Variants in EEF1A2 observed in about 807,000 individuals in gnomAD.
The protein encoded by EEF1A2 is eukaryotic translation elongation factor 1 alpha 2.
EEF1A2 carries 5 observed loss-of-function variants against 39.3 expected under a neutral mutation model. That is an observed-to-expected ratio of 0.13 (90% CI 0.07 to 0.27). The LOEUF is 0.27. Ranked by LOEUF, EEF1A2 falls within the 10% of genes least tolerant of loss-of-function variation. The probability of loss-of-function intolerance (pLI) is 1.00; values close to 1 mark genes in which losing one functional copy is unlikely to be tolerated. For missense variants in EEF1A2, 218 were observed against 681.4 expected, an observed-to-expected ratio of 0.32 and a Z score of 7.57; for synonymous variants, 287 against 293.7, an observed-to-expected ratio of 0.98 and a Z score of 0.23.
chr20:63,492,445 A>AATGGATGG (rs200488738), intron 5 of EEF1A2, among the ~76,000 whole-genome samples: 1 of 88,340 alleles, frequency 1.1e-5, no homozygotes, highest in East Asian at 3.9e-4. Flanking sequence ...TGGTTGAGAC[A>AATGGATGG]ATGGATGGAT....
chr20:63,492,164 GTATGGGTGGGTAGGTGGGTGGATA>G (rs2082386489), intron 5 of EEF1A2, among the ~76,000 whole-genome samples: 1 of 316 alleles, frequency 3.2e-3, no homozygotes, highest in Admixed American at 0.026. Context: ...ATGGATGGAT[GTATGGGTGGGTAGGTGGGTGGATA>G]GATGGATGGA....
At chr20:63,488,471 C>CG (rs2082363069) in intron 7 of EEF1A2, 46 bp from the exon 8 acceptor site, 2 of 1,328,504 alleles carry the variant, frequency 1.5e-6, no homozygotes, top group African/African-American at 4.7e-5. Context: ...AGGACTTGAC[C>CG]CCCCCCAACC....
Position 63,494,949 on chromosome 20 carries a change from C to T in EEF1A2, c.477G>A (p.Glu159=), listed in dbSNP as rs768282017. 79 of 1,612,694 alleles carry T rather than the reference C, an allele frequency of 4.9e-5. No individual in the cohort carries two copies. Among genetic ancestry groups the T allele is most frequent in the Admixed American group, 2.2e-4 (13 of 60,002 alleles). ...IVGVNKMDST[E]PAYSEKRYDE... ...CGTAGCGCTTCTCGCTGTAGGCCGGCTCTGTGGAGTCCATTTTGTTCACGC... is the reference window on the plus strand; with the variant it reads ...CGTAGCGCTTCTCGCTGTAGGCCGGTTCTGTGGAGTCCATTTTGTTCACGC... Residue 159 remains glutamate (E), a synonymous_variant, in exon 4 of 8, where the codon GAG becomes GAA. Coordinates refer to ENST00000217182, the MANE Select transcript of EEF1A2 (RefSeq NM_001958.5).
chr20:63,492,445 A>AATGGATGGATGG (rs200488738), intron 5 of EEF1A2, among the ~76,000 whole-genome samples: 1 of 88,218 alleles, frequency 1.1e-5, no homozygotes, highest in Non-Finnish European at 2.4e-5. Flanking sequence ...TGGTTGAGAC[A>AATGGATGGATGG]ATGGATGGAT....
intron 7 of EEF1A2, 85 bp from the exon 8 acceptor site, chr20:63,488,510 C>T (rs2082363360): frequency 7.6e-7 from 1 of 1,310,932 alleles, no homozygotes. Context: ...GGGGGCGCAA[C>T]CGCGTCGGGA....
In EEF1A2 at chr20:63,497,164, C is replaced by T. The variant is rs541177181; in HGVS notation, c.144+456G>A. On this transcript the variant is annotated intron_variant, in intron 2 of 7. Coordinates refer to ENST00000217182, the MANE Select transcript of EEF1A2 (RefSeq NM_001958.5). This position sits in a 1 kb window ranked among gnomAD's most constrained non-coding sequence, Gnocchi z 7.3. ...GCCCTGGACAGCAGCCCTCCACAGC[C>T]CAGCACAAGAAAATGGAGCAGACGG... The T allele has an allele frequency of 2.6e-5, 4 of 155,030 alleles. No homozygotes were observed. Among genetic ancestry groups the T allele is most frequent in the South Asian group, 2.0e-4 (1 of 4,974 alleles). 9.6% of individuals were successfully genotyped at this position (155,030 alleles called of 1,614,324 possible).
In EEF1A2 at chr20:63,497,485, A is replaced by G; in HGVS notation, c.144+135T>C. On this transcript the variant is annotated intron_variant, in intron 2 of 7. Coordinates refer to ENST00000217182, the MANE Select transcript of EEF1A2 (RefSeq NM_001958.5). The surrounding 1 kb of genome is among the most constrained non-coding windows in gnomAD (Gnocchi z 7.3). Reference sequence around the variant, plus strand: ...AGACCCTCTGAGGCCTGAGTGCCCCACAGCGGGGGTCCCTCCTGCCCTGGA... The same window carrying G: ...AGACCCTCTGAGGCCTGAGTGCCCCGCAGCGGGGGTCCCTCCTGCCCTGGA... 1 of 1,400,346 alleles carries G rather than the reference A, an allele frequency of 7.1e-7. No homozygotes were observed. The allele number at this position is 1,400,346 out of a possible 1,614,324, so 86.7% of individuals were successfully genotyped here. A position where few individuals can be genotyped will look rare whatever the true frequency, so the allele number is the denominator to read the frequency against.
Position 63,488,187 on chromosome 20 carries a change from G to T in EEF1A2, c.*111C>A, listed in dbSNP as rs1300497429. ...GCGGAGGTGCAGACATGCGCCTGGC[G>T]GGGGTGCGGGGCGCCGGACCGGCGC... On this transcript the variant is annotated 3_prime_UTR_variant, in exon 8 of 8. Transcript: ENST00000217182. The T allele has an allele frequency of 5.9e-6, 4 of 683,066 alleles. No homozygotes were observed. The highest frequency in any genetic ancestry group is 4.0e-5 in the African/African-American group (2 of 50,052). The allele number at this position is 683,066 out of a possible 1,614,324, so 42.3% of individuals were successfully genotyped here. A position where few individuals can be genotyped will look rare whatever the true frequency, so the allele number is the denominator to read the frequency against.
chr20:63,492,106 A>G (rs2145941783), intron 5 of EEF1A2, among the ~76,000 whole-genome samples: 3 of 124,908 alleles, frequency 2.4e-5, no homozygotes, highest in Admixed American at 8.0e-5. Flanking sequence ...GGATGGGGAG[A>G]TGGATGGATG....
chr20:63,488,225 C>T lies in EEF1A2; in HGVS notation c.*73G>A. 1.3e-5 allele frequency: 10 copies of T among 778,662 alleles called. No individual in the cohort carries two copies. The highest frequency in any genetic ancestry group is 1.4e-5 in the Non-Finnish European group (10 of 712,068). 48.2% of individuals were successfully genotyped at this position (778,662 alleles called of 1,614,324 possible). ...GCCGGACCGGCGCGCGGGGCGGGGGCGGGGCGGGGGCCCGGGCCCGGGGTT... is the reference window on the plus strand; with the variant it reads ...GCCGGACCGGCGCGCGGGGCGGGGGTGGGGCGGGGGCCCGGGCCCGGGGTT... On this transcript the variant is annotated 3_prime_UTR_variant, in exon 8 of 8. Coordinates refer to ENST00000217182, the MANE Select transcript of EEF1A2 (RefSeq NM_001958.5).
chr20:63,494,686 G>GGAA, intron 4 of EEF1A2, 119 bp downstream of exon 4: 1 of 1,368,186 alleles, frequency 7.3e-7, no homozygotes, highest in Non-Finnish European at 9.7e-7. Context: ...GGTTTCGAGG[G>GGAA]GAACCTGCAT....
chr20:63,494,779 C>G, intron 4 of EEF1A2, 26 bp downstream of exon 4: 1 of 1,594,342 alleles, frequency 6.3e-7, no homozygotes, highest in South Asian at 1.1e-5. Context: ...GCTCCCGTGG[C>G]CCGCCCCGCC....
At chr20:63,489,569 G>C (rs1372313207) in intron 6 of EEF1A2, among the ~76,000 whole-genome samples, 3 of 152,140 alleles carry the variant, frequency 2.0e-5, no homozygotes, top group Non-Finnish European at 1.5e-5. Flanking sequence ...GATCACTTGA[G>C]GTCAGGAGTT....
At chr20:63,492,418 A>ATAGAGAGAAGGATGGATGG (rs2082390037) in intron 5 of EEF1A2, among the ~76,000 whole-genome samples, 1 of 142,138 alleles carries the variant, frequency 7.0e-6, no homozygotes. Context: ...GGATGGATGG[A>ATAGAGAGAAGGATGGATGG]TAGAGAGAAG....
chr20:63,488,584 C>G (rs1600901841), intron 7 of EEF1A2, among the ~76,000 whole-genome samples, 159 bp from the exon 8 acceptor site: 1 of 152,222 alleles, frequency 6.6e-6, no homozygotes, highest in East Asian at 1.9e-4. Flanking sequence ...TCGCGGGAGT[C>G]CTGCCTGGGC....
At chr20:63,488,558 G>C (rs1287910193) in intron 7 of EEF1A2, 133 bp from the exon 8 acceptor site, 2 of 1,230,624 alleles carry the variant, frequency 1.6e-6, no homozygotes, top group African/African-American at 3.2e-5. Context: ...GCGCGCCCCT[G>C]TGAAGACGGC....
intron 3 of EEF1A2, among the ~76,000 whole-genome samples, chr20:63,495,558 C>G (rs754256967): frequency 7.2e-5 from 11 of 152,238 alleles, no homozygotes; most frequent in Non-Finnish European, 1.6e-4. Context: ...TCTCCCCATC[C>G]TGGCCTCCAA....
chr20:63,488,488 C>A, intron 7 of EEF1A2, 63 bp from the exon 8 acceptor site: 3 of 1,329,282 alleles, frequency 2.3e-6, no homozygotes, highest in Non-Finnish European at 1.9e-6. Flanking sequence ...AACCCCAGGG[C>A]TCTGGCCGGG....
In EEF1A2 at chr20:63,488,964, C is replaced by T. The variant is rs377632570; in HGVS notation, c.1218G>A (p.Pro406=). ...AGCTCTCCACACACATGGGCTTTCC[C>T]GGCACCATCTCCACGATGGCCGCGT... The part of the protein sequence containing the change: ...SGDAAIVEMV[P]GKPMCVESFS... Residue 406 remains proline (P), a synonymous_variant, in exon 7 of 8, where the codon CCG becomes CCA. Transcript: ENST00000217182. The T allele has an allele frequency of 1.7e-5, 27 of 1,612,584 alleles. No individual in the cohort carries two copies. The South Asian group carries it at 2.0e-4, about 12-fold the overall frequency.
Sources: gnomAD v4.1 joint callset for allele counts (sites outside exome capture counted in the v4.1 genomes callset) on GRCh38, gnomAD v4.1.1 for gene constraint, Gnocchi (gnomAD v3.1) non-coding constraint, MANE v1.5 for transcripts, NCBI Gene and HGNC (gene_info 2026-07-23, HGNC 2026-07-21) for gene names.